GREM2: variants seen among roughly 807,000 people sequenced by gnomAD.
GREM2 encodes the protein gremlin-2.
A neutral mutation model predicts 14.2 loss-of-function variants in GREM2; 11 were observed. That is an observed-to-expected ratio of 0.78 (90% CI 0.49 to 1.28). The LOEUF (loss-of-function observed/expected upper bound fraction) is 1.28. Ranked by LOEUF, GREM2 falls within the 50% of genes most tolerant of loss-of-function variation. GREM2 has a pLI of 0.00. For synonymous variants in GREM2, 98 were observed against 97.6 expected (o/e 1.00, Z -0.02); for missense variants, 210 against 218.5 (o/e 0.96, Z 0.24).
intron 1 of GREM2, among the ~76,000 whole-genome samples, chr1:240,592,651 G>A (rs1379609952): frequency 2.6e-5 from 4 of 152,138 alleles, no homozygotes; most frequent in Non-Finnish European, 5.9e-5. Context: ...CAAGAATGTT[G>A]TCAAGTTGGG....
At chr1:240,529,227 C>T (rs2103312408) in intron 1 of GREM2, among the ~76,000 whole-genome samples, 1 of 146,214 alleles carries the variant, frequency 6.8e-6, no homozygotes, top group South Asian at 2.2e-4. Context: ...CTCATTTGAA[C>T]CAGTGGATAG....
chr1:240,501,825 T>A (rs1249396375), intron 1 of GREM2, among the ~76,000 whole-genome samples: 1 of 152,088 alleles, frequency 6.6e-6, no homozygotes, highest in Non-Finnish European at 1.5e-5. Flanking sequence ...GTCAGAAGAA[T>A]GTGACACTGA....
chr1:240,604,211 C>T (rs1328545773), intron 1 of GREM2, among the ~76,000 whole-genome samples: 1 of 151,990 alleles, frequency 6.6e-6, no homozygotes, highest in African/African-American at 2.4e-5. Context: ...GAAAACACCT[C>T]CCACCAGGCC....
At chr1:240,599,907 AAAC>A (rs781307294) in intron 1 of GREM2, among the ~76,000 whole-genome samples, 1 of 152,214 alleles carries the variant, frequency 6.6e-6, no homozygotes, top group Non-Finnish European at 1.5e-5. Context: ...AATCCAAATG[AAAC>A]AACAACAACA....
chr1:240,495,195 C>A (rs866504234), intron 1 of GREM2, among the ~76,000 whole-genome samples: 2 of 152,210 alleles, frequency 1.3e-5, no homozygotes, highest in African/African-American at 2.4e-5. Flanking sequence ...GGACTCTGAT[C>A]TCTTTTTACA....
At chr1:240,536,890 G>A (rs1421363222) in intron 1 of GREM2, among the ~76,000 whole-genome samples, 1 of 152,222 alleles carries the variant, frequency 6.6e-6, no homozygotes, top group African/African-American at 2.4e-5. Context: ...CTTCAAAGAA[G>A]ACAGGGAGGT....
In GREM2 at chr1:240,492,939, C is replaced by T; in HGVS notation, c.*30G>A. 4 of 1,431,862 alleles carry T rather than the reference C, an allele frequency of 2.8e-6. No homozygotes were observed. The highest frequency in any genetic ancestry group is 3.7e-6 in the Non-Finnish European group (4 of 1,091,464). The allele number at this position is 1,431,862 out of a possible 1,614,324, so 88.7% of individuals were successfully genotyped here. On this transcript the variant is annotated 3_prime_UTR_variant, in exon 2 of 2. Transcript: ENST00000318160. ...CGGCGCCACCCAGCGGCCGGGCGCGCGCGGGGCTGAGCTGCGTCCGGCCCG... is the reference window on the plus strand; with the variant it reads ...CGGCGCCACCCAGCGGCCGGGCGCGTGCGGGGCTGAGCTGCGTCCGGCCCG...
intron 1 of GREM2, among the ~76,000 whole-genome samples, chr1:240,533,261 T>C (rs967808419): frequency 1.5e-4 from 23 of 152,072 alleles, no homozygotes; most frequent in African/African-American, 5.5e-4. Context: ...CTAATAGAAA[T>C]GAGCTAGCTG....
chr1:240,551,748 T>A (rs1678858910), intron 1 of GREM2, among the ~76,000 whole-genome samples: 1 of 152,180 alleles, frequency 6.6e-6, no homozygotes, highest in South Asian at 2.1e-4. Flanking sequence ...ATCTTCTGTT[T>A]ATTTTCTTTC....
At chr1:240,586,043 A>G (rs1374017318) in intron 1 of GREM2, among the ~76,000 whole-genome samples, 2 of 151,630 alleles carry the variant, frequency 1.3e-5, no homozygotes, top group Non-Finnish European at 2.9e-5. Context: ...AAAAAAAAAG[A>G]CAAAACTCAC....
At chr1:240,533,278 G>T (rs188724143) in intron 1 of GREM2, among the ~76,000 whole-genome samples, 4 of 152,170 alleles carry the variant, frequency 2.6e-5, no homozygotes, top group Admixed American at 6.5e-5. Context: ...GCTGTGAAAA[G>T]GTTGGGAAAA....
rs1308268468 is a variant in GREM2 at position 240,543,758 on chromosome 1, A to AT, written c.-1-50283_-1-50282insA. ...TTGACATTGATCTTTTATAGAAATT[A>AT]CTAAGTAATTATATTTCAAAAGGGA... On this transcript the variant is annotated intron_variant, in intron 1 of 1. Coordinates refer to ENST00000318160, the MANE Select transcript of GREM2 (RefSeq NM_022469.4). The surrounding 1 kb of genome is among the most constrained non-coding windows in gnomAD (Gnocchi z 6.4). 6.6e-6 allele frequency among the ~76,000 whole-genome samples: 1 copy of AT among 152,228 alleles called. No homozygotes were observed. Among genetic ancestry groups the AT allele is most frequent in the Non-Finnish European group, 1.5e-5 (1 of 68,036 alleles).
At chr1:240,536,840 G>C (rs1678484584) in intron 1 of GREM2, among the ~76,000 whole-genome samples, 1 of 152,216 alleles carries the variant, frequency 6.6e-6, no homozygotes, top group Non-Finnish European at 1.5e-5. Flanking sequence ...GTTGGATCTT[G>C]AAGAAAACTG....
chr1:240,596,574 G>A (rs1033520236), intron 1 of GREM2, among the ~76,000 whole-genome samples: 1 of 152,044 alleles, frequency 6.6e-6, no homozygotes, highest in African/African-American at 2.4e-5. Context: ...ACACACAACT[G>A]TAATCCCAGC....
chr1:240,580,570 T>C (rs1256197667), intron 1 of GREM2, among the ~76,000 whole-genome samples: 1 of 152,168 alleles, frequency 6.6e-6, no homozygotes, highest in Non-Finnish European at 1.5e-5. Flanking sequence ...TTGAAACATA[T>C]CCAATATATC....
chr1:240,563,235 G>A (rs1331728243), intron 1 of GREM2, among the ~76,000 whole-genome samples: 1 of 151,876 alleles, frequency 6.6e-6, no homozygotes, highest in African/African-American at 2.4e-5. Flanking sequence ...GCGTGAGAGT[G>A]TGTGTGTATG....
At chr1:240,521,924 C>A (rs1678108275) in intron 1 of GREM2, among the ~76,000 whole-genome samples, 1 of 151,836 alleles carries the variant, frequency 6.6e-6, no homozygotes, top group Non-Finnish European at 1.5e-5. Flanking sequence ...CCAGCCTGAA[C>A]AACATGGTGA....
At chr1:240,515,911 G>T (rs1213437908) in intron 1 of GREM2, among the ~76,000 whole-genome samples, 4 of 152,120 alleles carry the variant, frequency 2.6e-5, no homozygotes, top group Admixed American at 2.6e-4. Flanking sequence ...CTAAACCACA[G>T]AGTTAATGCT....
chr1:240,601,793 G>A (rs887007110), intron 1 of GREM2, among the ~76,000 whole-genome samples: 17 of 151,858 alleles, frequency 1.1e-4, no homozygotes, highest in African/African-American at 4.1e-4. Flanking sequence ...TGTAATCCCA[G>A]CTACTCTGGA....
Sources: gnomAD v4.1 joint callset for allele counts (sites outside exome capture counted in the v4.1 genomes callset) on GRCh38, gnomAD v4.1.1 for gene constraint, Gnocchi (gnomAD v3.1) non-coding constraint, MANE v1.5 for transcripts, NCBI Gene and HGNC (gene_info 2026-07-23, HGNC 2026-07-21) for gene names.